ASH1L: variants seen among roughly 807,000 people sequenced by gnomAD.
ASH1L encodes the protein histone-lysine N-methyltransferase ASH1L.
Under a neutral mutation model 269.0 loss-of-function variants are expected in ASH1L, and 23 were observed. The observed-to-expected ratio is 0.09, with a 90% CI of 0.06 to 0.12. The LOEUF (loss-of-function observed/expected upper bound fraction) is 0.12, where lower values mean the gene tolerates loss of function less well. Among genes scored for constraint, ASH1L ranks in the 10% least tolerant of loss-of-function variants. The pLI, the probability that ASH1L is intolerant of heterozygous loss-of-function variation, is 1.00. For missense variants in ASH1L, 2,912 were observed against 3,567.8 expected (o/e 0.82, Z 4.68); for synonymous variants, 1,187 against 1,253.5 (o/e 0.95, Z 1.12).
At chr1:155,528,056 T>C (rs1230008692) in intron 1 of ASH1L, among the ~76,000 whole-genome samples, 2 of 152,182 alleles carry the variant, frequency 1.3e-5, no homozygotes, top group African/African-American at 4.8e-5. Context: ...CAAATTTCTA[T>C]CTTCAGATAG....
rs749799276 is a variant in ASH1L, at chr1:155,480,096, T to C, written c.2774A>G (p.Glu925Gly). 1.9e-6 allele frequency: 3 copies of C among 1,614,030 alleles called. No individual in the cohort carries two copies. Among genetic ancestry groups the C allele is most frequent in the Non-Finnish European group, 2.5e-6 (3 of 1,180,030 alleles). Residue 925 changes from glutamate to glycine, a missense_variant, in exon 3 of 28, where the codon GAA (glutamate) becomes GGA (glycine). Around this residue, in one of 13 missense-constraint regions of ASH1L, gnomAD observed 715 missense variants for 721.0 expected, o/e 0.99. Transcript: ENST00000392403. ...ATESPSKLESESDNHRSSSDF... is the reference protein window; with the variant it reads ...ATESPSKLESGSDNHRSSSDF... Reference sequence around the variant, plus strand: ...ACTGCTACTTCTATGGTTGTCACTTTCAGATTCTAGCTTGCTTGGACTTTC... The same window carrying C: ...ACTGCTACTTCTATGGTTGTCACTTCCAGATTCTAGCTTGCTTGGACTTTC...
chr1:155,486,903 C>T (rs923173537), intron 2 of ASH1L, among the ~76,000 whole-genome samples: 6 of 151,548 alleles, frequency 4.0e-5, no homozygotes, highest in East Asian at 1.9e-4. Flanking sequence ...CAGTGGCTCA[C>T]GCCTGTAATC....
At chr1:155,443,032 T>C (rs758743589) in intron 4 of ASH1L, among the ~76,000 whole-genome samples, 11 of 152,248 alleles carry the variant, frequency 7.2e-5, no homozygotes, top group Non-Finnish European at 1.0e-4. Context: ...GTTTAATGTA[T>C]GTAATTCTCA....
Position 155,434,051 on chromosome 1 carries a change from G to C in ASH1L, c.5828+4276C>G, listed in dbSNP as rs768650266. On this transcript the variant is annotated intron_variant, in intron 5 of 27. Transcript: ENST00000392403. ...CCAGAAAGGCAAGCAATCAAGCAGC[G>C]ACTATGCATAACGAGAGGATTTTGA... 3.6e-5 allele frequency: 58 copies of C among 1,592,556 alleles called. No homozygotes were observed. In the African/African-American group the frequency reaches 6.8e-4, roughly 19 times the overall value.
At chr1:155,368,890 C>T (rs1430739886) in intron 12 of ASH1L, among the ~76,000 whole-genome samples, 1 of 152,166 alleles carries the variant, frequency 6.6e-6, no homozygotes. Flanking sequence ...ACCACTAATG[C>T]ATTCAACATG....
intron 5 of ASH1L, chr1:155,433,301 C>T (rs1445525847): frequency 1.9e-6 from 3 of 1,576,172 alleles, no homozygotes; most frequent in Non-Finnish European, 2.6e-6. Context: ...CTTCCAAGGC[C>T]CTCCTGGAGG....
chr1:155,536,914 G>A (rs1470778284), intron 1 of ASH1L, among the ~76,000 whole-genome samples: 7 of 151,594 alleles, frequency 4.6e-5, no homozygotes, highest in Non-Finnish European at 1.0e-4. Context: ...GCGTGGTGGC[G>A]AGTGCCTGTA....
chr1:155,547,589 A>G (rs1357415154), intron 1 of ASH1L, among the ~76,000 whole-genome samples: 1 of 151,976 alleles, frequency 6.6e-6, no homozygotes, highest in African/African-American at 2.4e-5. Flanking sequence ...CAGGTGTGGT[A>G]GCACATGACC....
chr1:155,365,590 T>C (rs1277704841), intron 12 of ASH1L, among the ~76,000 whole-genome samples: 1 of 152,082 alleles, frequency 6.6e-6, no homozygotes, highest in Non-Finnish European at 1.5e-5. Flanking sequence ...TGTTTCCCTC[T>C]ACCTCATTTC....
At chr1:155,438,306 A>G (rs1157076392) in intron 5 of ASH1L, 21 bp downstream of exon 5, 1 of 1,525,056 alleles carries the variant, frequency 6.6e-7, no homozygotes, top group Non-Finnish European at 8.8e-7. Context: ...TACTCAGATA[A>G]TATGTTAAAT....
chr1:155,452,506 T>C (rs1476933474), intron 4 of ASH1L, among the ~76,000 whole-genome samples: 1 of 152,124 alleles, frequency 6.6e-6, no homozygotes, highest in Middle Eastern at 3.2e-3. Context: ...TAGGGTCTAG[T>C]GTAATCTTCA....
intron 5 of ASH1L, chr1:155,433,087 C>T (rs1661726854): frequency 7.9e-7 from 1 of 1,273,472 alleles, no homozygotes; most frequent in South Asian, 1.6e-5. Context: ...AATTAAACTG[C>T]TATGACAGAG....
rs1188120426 is a variant in ASH1L at position 155,344,195 on chromosome 1, G to A, written c.7969C>T (p.Leu2657=). Residue 2657 remains leucine, a synonymous_variant, in exon 22 of 28, where the codon CTG becomes TTG. Transcript: ENST00000392403. ...YFICLLRDDL[L]LRQGDCVYLM... is the part of the protein sequence containing the mutation. ...CCTGTATACATACCCTGACGAAGCA[G>A]CAAGTCATCTCGGAGCAAACAGATG... 6.2e-7 allele frequency: 1 copy of A among 1,613,970 alleles called. No individual in the cohort carries two copies. Among genetic ancestry groups the A allele is most frequent in the Non-Finnish European group, 8.5e-7 (1 of 1,179,974 alleles).
intron 4 of ASH1L, among the ~76,000 whole-genome samples, chr1:155,450,299 C>T (rs987863934): frequency 3.3e-5 from 5 of 152,202 alleles, no homozygotes; most frequent in South Asian, 2.1e-4. Flanking sequence ...GTTTATCCTA[C>T]GTGGGATTCG....
At chr1:155,544,724 A>G (rs1204545521) in intron 1 of ASH1L, among the ~76,000 whole-genome samples, 1 of 152,224 alleles carries the variant, frequency 6.6e-6, no homozygotes, top group Non-Finnish European at 1.5e-5. Context: ...GATTGGGAGA[A>G]AATATAAACA....
chr1:155,448,532 G>A (rs950627398), intron 4 of ASH1L, among the ~76,000 whole-genome samples: 5 of 152,126 alleles, frequency 3.3e-5, no homozygotes, highest in African/African-American at 7.2e-5. Flanking sequence ...GACTTGCTCC[G>A]TCACCCAGGC....
At chr1:155,452,367 C>T (rs1468110092) in intron 4 of ASH1L, among the ~76,000 whole-genome samples, 1 of 151,746 alleles carries the variant, frequency 6.6e-6, no homozygotes, top group African/African-American at 2.4e-5. Context: ...TGTATTTTGC[C>T]ACAATTAAAA....
At chr1:155,474,850 T>TAC (rs1220050399) in intron 3 of ASH1L, among the ~76,000 whole-genome samples, 2 of 152,248 alleles carry the variant, frequency 1.3e-5, no homozygotes, top group Admixed American at 6.5e-5. Context: ...TTATCTAGAC[T>TAC]ACTGCAATTG....
chr1:155,345,750 T>G (rs1653245244), intron 21 of ASH1L, among the ~76,000 whole-genome samples: 1 of 151,066 alleles, frequency 6.6e-6, no homozygotes. Flanking sequence ...AAGTTTTGAA[T>G]TTTTAGTAGA....
Sources: gnomAD v4.1 joint callset for allele counts (sites outside exome capture counted in the v4.1 genomes callset) on GRCh38, gnomAD v4.1.1 for gene constraint, gnomAD v4.1.1 regional missense constraint, MANE v1.5 for transcripts, NCBI Gene and HGNC (gene_info 2026-07-23, HGNC 2026-07-21) for gene names.